AVIL: variants seen among roughly 807,000 people sequenced by gnomAD.
AVIL encodes the protein advillin.
AVIL carries 78 observed loss-of-function variants against 109.9 expected under a neutral mutation model. The observed-to-expected ratio is 0.71, with a 90% CI of 0.59 to 0.86. The LOEUF (loss-of-function observed/expected upper bound fraction) is 0.86, where lower values mean the gene tolerates loss of function less well. AVIL is among the 40% of genes least tolerant of loss of function. AVIL has a pLI of 0.00. For synonymous variants in AVIL, 367 were observed against 379.1 expected (o/e 0.97, Z 0.37); for missense variants, 892 against 1,016.5 (o/e 0.88, Z 1.67).
chr12:57,802,023 G>A (rs908660315), intron 17 of AVIL, 137 bp downstream of exon 17: 1 of 988,326 alleles, frequency 1.0e-6, no homozygotes, highest in Non-Finnish European at 1.5e-6. Flanking sequence ...AAAAGTAAAA[G>A]GCAGGGAGTG....
At chr12:57,809,942 T>A in intron 7 of AVIL, 52 bp from the exon 8 acceptor site, 1 of 1,576,366 alleles carries the variant, frequency 6.3e-7, no homozygotes, top group East Asian at 2.2e-5. Context: ...AAGCATCTTG[T>A]AGTCAACTAG....
chr12:57,803,490 G>A, intron 15 of AVIL, 34 bp downstream of exon 15: 1 of 1,613,906 alleles, frequency 6.2e-7, no homozygotes, highest in Non-Finnish European at 8.5e-7. Context: ...CAGGCAGGGG[G>A]AGCCCAGAAG....
intron 1 of AVIL, among the ~76,000 whole-genome samples, chr12:57,816,663 TC>T (rs1956103834): frequency 1.3e-5 from 2 of 150,420 alleles, no homozygotes; most frequent in Non-Finnish European, 3.0e-5. Context: ...CAAGGCCTTC[TC>T]CACAGTCAAC....
chr12:57,815,513 C>T lies in AVIL; in HGVS notation c.66+462G>A, dbSNP rs569396199. The T allele has an allele frequency of 9.3e-5, 106 of 1,144,112 alleles. 1 individual carries two copies. In the African/African-American group the frequency reaches 1.4e-3, roughly 16 times the overall value. The allele number at this position is 1,144,112 out of a possible 1,614,324, so 70.9% of individuals were successfully genotyped here. A position where few individuals can be genotyped will look rare whatever the true frequency, so the allele number is the denominator to read the frequency against. On this transcript the variant is annotated intron_variant, in intron 2 of 19. Coordinates refer to ENST00000549994, the MANE Select transcript of AVIL (RefSeq NM_006576.4). Reference sequence around the variant, plus strand: ...TGGATTGCTGGAGCTCACAGCCGCACAGAGGGTCCCAAGCCCAAGAGGAGA... The same window carrying T: ...TGGATTGCTGGAGCTCACAGCCGCATAGAGGGTCCCAAGCCCAAGAGGAGA...
chr12:57,801,473 C>T (rs1955846784), intron 17 of AVIL: 1 of 294,084 alleles, frequency 3.4e-6, no homozygotes, highest in Admixed American at 4.9e-5. Flanking sequence ...GGCACAGTGG[C>T]TCATGCCTGT....
chr12:57,807,664 CA>C lies in AVIL; in HGVS notation c.1257del (p.Tyr419Ter), dbSNP rs1275585980. On this transcript the variant is annotated frameshift_variant, in exon 12 of 20. Transcript: ENST00000549994. LOFTEE classifies it high-confidence loss of function. ...PVEYQWYGFFYGGDCYLVLYT... is the reference protein window; with the variant it reads ...PVEYQWYGFFXGGDCYLVLYT... ...TAGAGGACCAGATAACAGTCTCCCC[CA>C]TAAAAGAAGCCATACCATTGATACT... is the stretch of plus-strand genomic sequence containing the variant. The C allele has an allele frequency of 6.2e-7, 1 of 1,614,048 alleles. No individual in the cohort carries two copies. The highest frequency in any genetic ancestry group is 8.5e-7 in the Non-Finnish European group (1 of 1,180,040).
Position 57,811,063 on chromosome 12 carries a change from G to A in AVIL, c.403C>T (p.Arg135Trp), listed in dbSNP as rs770023170. ...CTTTTCCCTTTCACATGTAGCAGCC[G>A]CTTCACGTCGTAGGTATTGGTCTCC... ...HVETNTYDVK[R>W]LLHVKGKRNI... Residue 135 changes from arginine to tryptophan, a missense_variant, in exon 5 of 20, where the codon CGG becomes TGG. Transcript: ENST00000549994. 1.2e-5 allele frequency: 19 copies of A among 1,614,154 alleles called. No homozygotes were observed. Among genetic ancestry groups the A allele is most frequent in the East Asian group, 2.2e-5 (1 of 44,884 alleles).
At position 57,811,086 on chromosome 12, in the gene AVIL, T is replaced by C. The variant is rs1354764995; in HGVS notation, c.380A>G (p.Glu127Gly). 6.2e-7 allele frequency: 1 copy of C among 1,614,078 alleles called. No individual in the cohort carries two copies. Among genetic ancestry groups the C allele is most frequent in the Non-Finnish European group, 8.5e-7 (1 of 1,180,040 alleles). The part of the protein sequence containing the change: ...GGVASGMKHV[E>G]TNTYDVKRLL... The stretch of plus-strand genomic sequence containing the variant: ...CCGCTTCACGTCGTAGGTATTGGTC[T>C]CCACGTGCTTCATCCCAGAGGCGAC... The change falls in exon 5 of 20, where the codon GAG becomes GGG. Residue 127 changes from glutamate (E) to glycine (G), a missense_variant. By Grantham distance (98) the Glu-to-Gly change is moderately conservative. Coordinates refer to ENST00000549994, the MANE Select transcript of AVIL (RefSeq NM_006576.4).
At chr12:57,814,041 T>C in intron 3 of AVIL, 111 bp downstream of exon 3, 1 of 1,151,058 alleles carries the variant, frequency 8.7e-7, no homozygotes, top group Non-Finnish European at 1.2e-6. Flanking sequence ...GAGGAACCAT[T>C]GAGACCGATA....
At chr12:57,810,613 T>G in intron 6 of AVIL, 62 bp from the exon 7 acceptor site, 5 of 1,578,480 alleles carry the variant, frequency 3.2e-6, no homozygotes, top group Non-Finnish European at 3.5e-6. Context: ...CTGATGTCTT[T>G]GGGGAGAACA....
rs1956093399 is a variant in AVIL, at chr12:57,815,667, T to A, written c.66+308A>T. ...AGCTGCCAGGAGTCTGCTGAGTAGG[T>A]CCCACCTGTCTTTCCAGGGTGTTTC... On this transcript the variant is annotated intron_variant, in intron 2 of 19. Coordinates refer to ENST00000549994, the MANE Select transcript of AVIL (RefSeq NM_006576.4). 2.2e-6 allele frequency: 3 copies of A among 1,353,756 alleles called. No homozygotes were observed. The South Asian group carries it at 3.8e-5, about 17-fold the overall frequency. The allele number at this position is 1,353,756 out of a possible 1,614,324, so 83.9% of individuals were successfully genotyped here.
At position 57,816,312 on chromosome 12, in the gene AVIL, C is replaced by T. The variant is rs766620887; in HGVS notation, c.-19-253G>A. The T allele has an allele frequency of 8.8e-5, 35 of 397,780 alleles. 1 individual carries two copies. Among genetic ancestry groups the T allele is most frequent in the Non-Finnish European group, 1.2e-4 (27 of 221,328 alleles). The allele number at this position is 397,780 out of a possible 1,614,324, so 24.6% of individuals were successfully genotyped here. A position where few individuals can be genotyped will look rare whatever the true frequency, so the allele number is the denominator to read the frequency against. On this transcript the variant is annotated intron_variant, in intron 1 of 19. Transcript: ENST00000549994. ...CATTGCCCTTAAGAGCTCTGGTAAT[C>T]GTCATGGTTATTTACCAAAGGGGTG...
chr12:57,807,577 G>GT lies in AVIL; in HGVS notation c.1332+12dup. On this transcript the variant is annotated intron_variant, in intron 12 of 19. Coordinates refer to ENST00000549994, the MANE Select transcript of AVIL (RefSeq NM_006576.4). ...ACATCAGGATCCAAAGCTGAAGCCT[G>GT]TGCCAGGCCTACCTGCCAGATGTAC... 1 of 1,614,250 alleles carries GT rather than the reference G, an allele frequency of 6.2e-7. No individual in the cohort carries two copies. The highest frequency in any genetic ancestry group is 1.7e-5 in the Admixed American group (1 of 60,034).
At chr12:57,815,428 T>G (rs748923078) in intron 2 of AVIL, 369 of 453,160 alleles carry the variant, frequency 8.1e-4, no homozygotes, top group Non-Finnish European at 1.1e-3. Context: ...AGGGCAGGGG[T>G]TGGGGGGAAT....
rs1206672003 is a variant in AVIL at position 57,810,929 on chromosome 12, G to A, written c.448-3C>T. The A allele has an allele frequency of 6.2e-7, 1 of 1,613,926 alleles. No individual in the cohort carries two copies. Among genetic ancestry groups the A allele is most frequent in the African/African-American group, 1.3e-5 (1 of 74,900 alleles). On this transcript the variant is annotated splice_region_variant and splice_polypyrimidine_tract_variant and intron_variant, in intron 5 of 19. Coordinates refer to ENST00000549994, the MANE Select transcript of AVIL (RefSeq NM_006576.4). ...AAACTGTCCCAGCTCATTTCCACCT[G>A]TCGATGAGAGGTAAACATTGTTCAG...
At chr12:57,803,862 G>T in intron 14 of AVIL, 193 bp from the exon 15 acceptor site, 1 of 670,434 alleles carries the variant, frequency 1.5e-6, no homozygotes, top group Non-Finnish European at 2.3e-6. Context: ...GCAAAGAACA[G>T]GACTAGGCTT....
At chr12:57,799,980 G>A in intron 18 of AVIL, 60 bp from the exon 19 acceptor site, 1 of 1,591,110 alleles carries the variant, frequency 6.3e-7, no homozygotes. Context: ...TGTGGTTACA[G>A]TTCTGAATGT....
chr12:57,809,321 T>C (rs1191258051), intron 9 of AVIL: 6 of 485,112 alleles, frequency 1.2e-5, no homozygotes, highest in African/African-American at 2.0e-5. Flanking sequence ...ACAAATGATA[T>C]TTAATCCTCA....
At position 57,802,505 on chromosome 12, in the gene AVIL, C is replaced by T. The variant is rs1033843791; in HGVS notation, c.1963-157G>A. ...ATTTGTTCAGCAGAGAAAGGTTTTC[C>T]CAGAATCAGCTTGATGTTTATCATT... is the stretch of plus-strand genomic sequence containing the variant. On this transcript the variant is annotated intron_variant, in intron 16 of 19. Coordinates refer to ENST00000549994, the MANE Select transcript of AVIL (RefSeq NM_006576.4). 4.6e-6 allele frequency: 4 copies of T among 874,180 alleles called. No homozygotes were observed. In the African/African-American group the frequency reaches 5.0e-5, roughly 11 times the overall value. 54.2% of individuals were successfully genotyped at this position (874,180 alleles called of 1,614,324 possible).
Sources: gnomAD v4.1 joint callset for allele counts (sites outside exome capture counted in the v4.1 genomes callset) on GRCh38, gnomAD v4.1.1 for gene constraint, MANE v1.5 for transcripts, NCBI Gene and HGNC (gene_info 2026-07-23, HGNC 2026-07-21) for gene names.